ULK4: variants seen among roughly 807,000 people sequenced by gnomAD.
ULK4 encodes unc-51 like kinase 4.
In ULK4, 133 loss-of-function variants were observed where a neutral mutation model predicts 160.6. The ratio of observed to expected loss-of-function variants is 0.83; its 90% CI spans 0.72 to 0.96. ULK4 has a LOEUF of 0.96. Among genes scored for constraint, ULK4 ranks in the 40% least tolerant of loss-of-function variants. The pLI, the probability that ULK4 is intolerant of heterozygous loss-of-function variation, is 0.00. For missense variants in ULK4, 1,580 were observed against 1,499.5 expected, an observed-to-expected ratio of 1.05 and a Z score of -0.89; for synonymous variants, 534 against 539.8, an observed-to-expected ratio of 0.99 and a Z score of 0.15.
At chr3:41,929,789 A>G (rs1699523658) in intron 5 of ULK4, among the ~76,000 whole-genome samples, 1 of 152,302 alleles carries the variant, frequency 6.6e-6, no homozygotes, top group East Asian at 1.9e-4. Context: ...AAGGGATGTG[A>G]AGGACCTCTT....
intron 12 of ULK4, among the ~76,000 whole-genome samples, chr3:41,901,172 CTTTTTTTTTTTTTT>C (rs201425733): frequency 5.8e-5 from 7 of 119,916 alleles, no homozygotes; most frequent in Non-Finnish European, 5.0e-5. Flanking sequence ...AGCATGGCTT[CTTTTTTTTTTTTTT>C]TTTTTTTTTT....
At chr3:41,362,199 T>C (rs1575468837) in intron 35 of ULK4, among the ~76,000 whole-genome samples, 1 of 152,152 alleles carries the variant, frequency 6.6e-6, no homozygotes, top group Admixed American at 6.6e-5. Flanking sequence ...ACTTGTGGCT[T>C]AAAGACACAA....
At chr3:41,713,038 C>G (rs1295116233) in intron 25 of ULK4, among the ~76,000 whole-genome samples, 4 of 151,462 alleles carry the variant, frequency 2.6e-5, no homozygotes, top group African/African-American at 9.7e-5. Flanking sequence ...GTGGATTGGG[C>G]TACAGAACGT....
chr3:41,846,367 C>T (rs2042070245), intron 17 of ULK4, among the ~76,000 whole-genome samples: 1 of 151,956 alleles, frequency 6.6e-6, no homozygotes, highest in Admixed American at 6.6e-5. Flanking sequence ...GTTGAAAATG[C>T]CAATACTAAA....
At chr3:41,660,796 T>G (rs1369175016) in intron 30 of ULK4, among the ~76,000 whole-genome samples, 1 of 152,078 alleles carries the variant, frequency 6.6e-6, no homozygotes, top group Non-Finnish European at 1.5e-5. Context: ...AGACTGCAAA[T>G]AAGACACAGG....
intron 17 of ULK4, among the ~76,000 whole-genome samples, chr3:41,877,287 A>C (rs1338227529): frequency 4.0e-5 from 6 of 150,694 alleles, no homozygotes; most frequent in Non-Finnish European, 8.8e-5. Context: ...AAACTATTCT[A>C]AACTCTAAGC....
At chr3:41,823,992 A>G (rs6805963) in intron 18 of ULK4, among the ~76,000 whole-genome samples, 10,931 of 151,978 alleles carry the variant, frequency 0.072, 1,238 homozygotes, top group African/African-American at 0.24. Context: ...GCGAAACACC[A>G]TTTCTACTAA....
chr3:41,338,696 A>G (rs1243893536), intron 35 of ULK4, among the ~76,000 whole-genome samples: 3 of 152,102 alleles, frequency 2.0e-5, no homozygotes, highest in Non-Finnish European at 2.9e-5. Flanking sequence ...TTCTCCAGAG[A>G]AAACTAGTAG....
intron 34 of ULK4, among the ~76,000 whole-genome samples, chr3:41,429,317 C>T (rs556226040): frequency 3.9e-5 from 6 of 152,234 alleles, no homozygotes; most frequent in African/African-American, 7.2e-5. Context: ...TAAATTAGTT[C>T]AACCATTGTG....
intron 35 of ULK4, among the ~76,000 whole-genome samples, chr3:41,391,759 G>A (rs2081961949): frequency 6.6e-6 from 1 of 152,072 alleles, no homozygotes; most frequent in South Asian, 2.1e-4. Context: ...GAAAATGATG[G>A]TGAGCACAGC....
At chr3:41,522,350 G>C (rs2085961863) in intron 32 of ULK4, among the ~76,000 whole-genome samples, 1 of 151,812 alleles carries the variant, frequency 6.6e-6, no homozygotes, top group Non-Finnish European at 1.5e-5. Flanking sequence ...ATGTTGGCCA[G>C]GCTGGTCTCA....
intron 21 of ULK4, among the ~76,000 whole-genome samples, chr3:41,773,215 G>A (rs1428276363): frequency 6.6e-6 from 1 of 152,146 alleles, no homozygotes; most frequent in Non-Finnish European, 1.5e-5. Context: ...TGGAAGTTCT[G>A]GCCAGGGCAA....
chr3:41,756,648 C>G (rs184306904), intron 21 of ULK4, among the ~76,000 whole-genome samples: 17 of 152,200 alleles, frequency 1.1e-4, no homozygotes, highest in African/African-American at 4.1e-4. Flanking sequence ...TGGTCAGAGG[C>G]CCCCAGAGAA....
chr3:41,709,828 T>G (rs2037028676), intron 25 of ULK4, among the ~76,000 whole-genome samples: 1 of 152,194 alleles, frequency 6.6e-6, no homozygotes, highest in Non-Finnish European at 1.5e-5. Context: ...AGAGAGATCT[T>G]TTGACTTAAA....
At chr3:41,387,593 A>G (rs1173635647) in intron 35 of ULK4, among the ~76,000 whole-genome samples, 2 of 152,128 alleles carry the variant, frequency 1.3e-5, no homozygotes, top group Non-Finnish European at 2.9e-5. Context: ...CTCATTGTTC[A>G]ATTCACACCT....
chr3:41,690,700 AG>A (rs1358065287), intron 27 of ULK4, among the ~76,000 whole-genome samples: 1 of 151,798 alleles, frequency 6.6e-6, no homozygotes, highest in Non-Finnish European at 1.5e-5. Context: ...GCCACTCCCC[AG>A]TCCTACCTAC....
chr3:41,429,674 G>C (rs2082858757), intron 34 of ULK4, among the ~76,000 whole-genome samples: 1 of 151,986 alleles, frequency 6.6e-6, no homozygotes, highest in Admixed American at 6.6e-5. Flanking sequence ...TCACTTGTAA[G>C]TGGGATCTGA....
Position 41,698,060 on chromosome 3 carries a change from A to G in ULK4, c.2781+6997T>C, listed in dbSNP as rs147798445. Among the ~76,000 whole-genome samples, 384 of 152,348 alleles carry G rather than the reference A, an allele frequency of 2.5e-3. 1 individual carries two copies. The highest frequency in any genetic ancestry group is 8.3e-3 in the African/African-American group (347 of 41,588). On this transcript the variant is annotated intron_variant, in intron 27 of 36. Transcript: ENST00000301831. ...AATATTCAGTGCAGTAACATGCTGT[A>G]CAGGTTTGTAGCCTAGAAGCAATAG...
At chr3:41,761,687 T>C (rs2038990479) in intron 21 of ULK4, among the ~76,000 whole-genome samples, 2 of 152,092 alleles carry the variant, frequency 1.3e-5, no homozygotes, top group South Asian at 4.1e-4. Flanking sequence ...TTACTTTACA[T>C]AGAATGTTCC....
Sources: gnomAD v4.1 joint callset for allele counts (sites outside exome capture counted in the v4.1 genomes callset) on GRCh38, gnomAD v4.1.1 for gene constraint, MANE v1.5 for transcripts, NCBI Gene and HGNC (gene_info 2026-07-23, HGNC 2026-07-21) for gene names.